The following TNNT2 variants were observed in gnomAD, a reference collection of about 807,000 sequenced individuals.
The protein encoded by TNNT2 is troponin T, cardiac muscle.
Under a neutral mutation model 62.4 loss-of-function variants are expected in TNNT2, and 34 were observed. The observed-to-expected ratio is 0.54, with a 90% confidence interval of 0.41 to 0.72. TNNT2 has a LOEUF of 0.72. TNNT2 is among the 30% of genes least tolerant of loss of function. The probability of loss-of-function intolerance (pLI) is 0.00; values close to 1 mark genes in which losing one functional copy is unlikely to be tolerated. For missense variants in TNNT2, 275 were observed against 381.9 expected, an observed-to-expected ratio of 0.72 and a Z score of 2.33; for synonymous variants, 123 against 127.2, an observed-to-expected ratio of 0.97 and a Z score of 0.22.
chr1:201,372,227 T>G (rs1050957563), intron 2 of TNNT2, 72 bp from the exon 3 acceptor site: 3 of 1,603,146 alleles, frequency 1.9e-6, no homozygotes, highest in Admixed American at 1.7e-5. Context: ...TGCACACACA[T>G]GCACACACTG....
chr1:201,372,635 T>C (rs779883971), intron 2 of TNNT2, among the ~76,000 whole-genome samples: 12 of 152,180 alleles, frequency 7.9e-5, no homozygotes, highest in Non-Finnish European at 1.5e-4. Flanking sequence ...CTTCTCCCAG[T>C]TTATGTCTTA....
chr1:201,373,734 C>T lies in TNNT2; in HGVS notation c.-14-466G>A, dbSNP rs1539693. 75,592 of 193,668 alleles carry T rather than the reference C, an allele frequency of 0.39. 18,016 individuals are homozygous for T. Among genetic ancestry groups the T allele is most frequent in the Non-Finnish European group, 0.5 (45,812 of 92,258 alleles). 12.0% of individuals were successfully genotyped at this position (193,668 alleles called of 1,614,324 possible). On this transcript the variant is annotated intron_variant, in intron 1 of 16. Transcript: ENST00000656932. ...GACTATAGTTGTGCACCACCATGCC[C>T]GACTAATTTTTGTATTTTTAGTAAA...
At position 201,372,852 on chromosome 1, in the gene TNNT2, T is replaced by TG. The variant is rs1333291237; in HGVS notation, c.41+361dup. ...TAACACTGGGTTCTGAGCTGGGGTT[T>TG]GGGGGGCATAATCAGCTCTGTGCCT... On this transcript the variant is annotated intron_variant, in intron 2 of 16. Transcript: ENST00000656932. Among the ~76,000 whole-genome samples the TG allele has an allele frequency of 4.6e-5, 7 of 152,204 alleles. No individual in the cohort carries two copies. In the East Asian group the frequency reaches 1.4e-3, roughly 29 times the overall value.
chr1:201,359,833 T>A (rs1658278987), intron 15 of TNNT2, among the ~76,000 whole-genome samples, 170 bp from the exon 16 acceptor site: 2 of 152,070 alleles, frequency 1.3e-5, no homozygotes, highest in Admixed American at 1.3e-4. Flanking sequence ...GGGGCCCGTG[T>A]ACCACAGGCA....
At chr1:201,362,667 G>C (rs149295902) in intron 12 of TNNT2, among the ~76,000 whole-genome samples, 154 of 152,278 alleles carry the variant, frequency 1.0e-3, no homozygotes, top group African/African-American at 3.5e-3. Context: ...TAGGGACTAA[G>C]CTGGAAATCT....
rs147740589 is a variant in TNNT2 at position 201,371,123 on chromosome 1, C to G, written c.67+904G>C. Among the ~76,000 whole-genome samples the G allele has an allele frequency of 9.9e-3, 1,515 of 152,304 alleles. 24 individuals carry two copies. The highest frequency in any genetic ancestry group is 0.035 in the African/African-American group (1,435 of 41,566). ...AAGGGCGGGGCCACCTGGGCTCCCC[C>G]CTTGGACCTTCATAGAGACCCTTCT... On this transcript the variant is annotated intron_variant, in intron 4 of 16. Coordinates refer to ENST00000656932, the MANE Select transcript of TNNT2 (RefSeq NM_001276345.2).
chr1:201,367,717 G>A, intron 7 of TNNT2, 54 bp downstream of exon 7: 1 of 1,591,804 alleles, frequency 6.3e-7, no homozygotes, highest in South Asian at 1.1e-5. Context: ...CTCCTCCAAA[G>A]CTGCTGTGAG....
intron 15 of TNNT2, 79 bp downstream of exon 15, chr1:201,361,200 T>A: frequency 7.3e-7 from 1 of 1,377,554 alleles, no homozygotes; most frequent in Non-Finnish European, 1.0e-6. Context: ...CCCAGGGACC[T>A]GCAGCAGTAT....
chr1:201,377,552 G>A (rs1661574037), intron 1 of TNNT2, 71 bp downstream of exon 1: 1 of 456,094 alleles, frequency 2.2e-6, no homozygotes. Flanking sequence ...AATATGCCAG[G>A]GCCCAAGACC....
At chr1:201,360,952 T>C (rs1394078959) in intron 15 of TNNT2, 2 of 404,474 alleles carry the variant, frequency 4.9e-6, no homozygotes, top group African/African-American at 4.1e-5. Flanking sequence ...CCACTGGGGG[T>C]CCTGGCTTGG....
rs1356667286 is a variant in TNNT2, at chr1:201,361,268, T to C, written c.810+11A>G. On this transcript the variant is annotated intron_variant, in intron 15 of 16. Coordinates refer to ENST00000656932, the MANE Select transcript of TNNT2 (RefSeq NM_001276345.2). ...ATGGAGATGCTGGGCGGGGACAGCA[T>C]GGCGGCCCACCTCATATTTCTGCTG... The C allele has an allele frequency of 2.5e-6, 4 of 1,613,774 alleles. No individual in the cohort carries two copies. The East Asian group carries it at 8.9e-5, about 36-fold the overall frequency.
At position 201,364,428 on chromosome 1, in the gene TNNT2, C is replaced by T. The variant is rs561745545; in HGVS notation, c.412-53G>A. On this transcript the variant is annotated intron_variant, in intron 10 of 16. Transcript: ENST00000656932. The stretch of plus-strand genomic sequence containing the variant: ...GGTGTGCATAGGGAGAAGGTGACAT[C>T]GCAGGTACAGAAACCTGCATGGGGT... 27 of 1,579,396 alleles carry T rather than the reference C, an allele frequency of 1.7e-5. 1 individual carries two copies. Among genetic ancestry groups the T allele is most frequent in the African/African-American group, 1.1e-4 (8 of 74,514 alleles).
chr1:201,367,090 A>G (rs1659801464), intron 7 of TNNT2: 1 of 698,564 alleles, frequency 1.4e-6, no homozygotes, highest in South Asian at 1.7e-5. Context: ...TCTGCAGGGC[A>G]CACACTCACG....
At chr1:201,369,536 C>A (rs888728046) in intron 5 of TNNT2, among the ~76,000 whole-genome samples, 1 of 152,182 alleles carries the variant, frequency 6.6e-6, no homozygotes, top group African/African-American at 2.4e-5. Context: ...ACATTTGGAG[C>A]AGCTTGGGAG....
At chr1:201,373,483 C>G in intron 1 of TNNT2, 4 of 604,796 alleles carry the variant, frequency 6.6e-6, no homozygotes, top group Non-Finnish European at 1.2e-5. Context: ...CTGATGTCCA[C>G]TTCGTTCCTT....
chr1:201,361,314 C>T lies in TNNT2; in HGVS notation c.775G>A (p.Asp259Asn), dbSNP rs141805127. 16 of 1,614,080 alleles carry T rather than the reference C, an allele frequency of 9.9e-6. No homozygotes were observed. In the Admixed American group the frequency reaches 1.2e-4, roughly 12 times the overall value. Residue 259 changes from aspartate (D) to asparagine (N), a missense_variant, in exon 15 of 17, where the codon GAC becomes AAC. Asp to Asn is a conservative substitution (Grantham distance 23). Transcript: ENST00000656932. ...TGCTGCTTGAACTTCTCCTGCAGGT[C>T]GAACTTCTCTGCCTCCAAGTTATAG... ...SIYNLEAEKFDLQEKFKQQKY... is the reference protein window; with the variant it reads ...SIYNLEAEKFNLQEKFKQQKY...
At chr1:201,366,691 T>C in intron 8 of TNNT2, 147 bp downstream of exon 8, 1 of 1,579,324 alleles carries the variant, frequency 6.3e-7, no homozygotes, top group Non-Finnish European at 8.6e-7. Flanking sequence ...GCTTGTGCAG[T>C]ACACAACTTG....
At chr1:201,366,774 TCCA>T in intron 8 of TNNT2, 61 bp downstream of exon 8, 11 of 1,613,490 alleles carry the variant, frequency 6.8e-6, no homozygotes, top group Non-Finnish European at 9.3e-6. Flanking sequence ...TGCACCCCGT[TCCA>T]TCATCATCCT....
In TNNT2 at chr1:201,364,248, G is replaced by A. The variant is rs767802998; in HGVS notation, c.489+50C>T. On this transcript the variant is annotated intron_variant, in intron 11 of 16. Transcript: ENST00000656932. Reference sequence around the variant, plus strand: ...AGAGAGGGGCCTGGGGGCCCAGCAGGAGCTGGGAGCATGGGGGGCCTCCAT... The same window carrying A: ...AGAGAGGGGCCTGGGGGCCCAGCAGAAGCTGGGAGCATGGGGGGCCTCCAT... 25 of 1,551,404 alleles carry A rather than the reference G, an allele frequency of 1.6e-5. No homozygotes were observed. The Middle Eastern group carries it at 5.4e-4, about 34-fold the overall frequency.
Sources: gnomAD v4.1 joint callset for allele counts (sites outside exome capture counted in the v4.1 genomes callset) on GRCh38, gnomAD v4.1.1 for gene constraint, MANE v1.5 for transcripts, NCBI Gene and HGNC (gene_info 2026-07-23, HGNC 2026-07-21) for gene names.